FAM193A: variants seen among roughly 807,000 people sequenced by gnomAD.
FAM193A encodes family with sequence similarity 193 member A.
Under a neutral mutation model 126.5 loss-of-function variants are expected in FAM193A, and 22 were observed. That is an observed-to-expected ratio of 0.17 (90% confidence interval 0.12 to 0.25). The LOEUF (loss-of-function observed/expected upper bound fraction) is 0.25, where lower values mean the gene tolerates loss of function less well. Ranked by LOEUF, FAM193A falls within the 10% of genes least tolerant of loss-of-function variation. FAM193A has a pLI of 1.00. For synonymous variants in FAM193A, 761 were observed against 646.8 expected, an observed-to-expected ratio of 1.18 and a Z score of -2.68; for missense variants, 1,675 against 1,672.8, an observed-to-expected ratio of 1.00 and a Z score of -0.02.
intron 1 of FAM193A, among the ~76,000 whole-genome samples, chr4:2,544,284 G>A (rs576556668): frequency 2.7e-4 from 41 of 152,320 alleles, no homozygotes; most frequent in African/African-American, 9.1e-4. Flanking sequence ...ATATAGGTTG[G>A]CACAGTGGCC....
chr4:2,646,010 TA>T (rs1220191814), intron 6 of FAM193A, among the ~76,000 whole-genome samples: 3 of 152,062 alleles, frequency 2.0e-5, no homozygotes, highest in African/African-American at 4.8e-5. Context: ...TTCCCATATT[TA>T]TTTTTTTATC....
At chr4:2,577,422 G>GTTTTGTTTTTTTT (rs1723044132) in intron 1 of FAM193A, among the ~76,000 whole-genome samples, 1 of 115,542 alleles carries the variant, frequency 8.7e-6, no homozygotes, top group Non-Finnish European at 1.7e-5. Context: ...TTTTTTTTTT[G>GTTTTGTTTTTTTT]TTTTTTTTTT....
At chr4:2,724,701 C>A (rs992021395) in intron 20 of FAM193A, among the ~76,000 whole-genome samples, 2 of 152,038 alleles carry the variant, frequency 1.3e-5, no homozygotes, top group African/African-American at 4.8e-5. Context: ...TAGAGTGAGA[C>A]CCTGTCTCAA....
intron 4 of FAM193A, among the ~76,000 whole-genome samples, chr4:2,627,068 G>A (rs917387905): frequency 3.9e-5 from 6 of 152,002 alleles, no homozygotes; most frequent in East Asian, 3.9e-4. Context: ...TCATGATGCC[G>A]CAGCCGTTCT....
intron 17 of FAM193A, among the ~76,000 whole-genome samples, chr4:2,695,517 A>G (rs1040348156): frequency 8.5e-5 from 13 of 152,158 alleles, no homozygotes; most frequent in Non-Finnish European, 1.6e-4. Context: ...ATCTTTCCAG[A>G]GCTGTGATTT....
At chr4:2,681,315 C>G (rs962000201) in intron 13 of FAM193A, among the ~76,000 whole-genome samples, 4 of 150,272 alleles carry the variant, frequency 2.7e-5, no homozygotes, top group African/African-American at 9.8e-5. Context: ...TTTTTTTCCC[C>G]TATTGTTTTT....
At chr4:2,607,328 C>T (rs1459380285) in intron 2 of FAM193A, among the ~76,000 whole-genome samples, 1 of 152,212 alleles carries the variant, frequency 6.6e-6, no homozygotes, top group Non-Finnish European at 1.5e-5. Flanking sequence ...CTGCTGTCTT[C>T]GTCCTTGCAT....
intron 1 of FAM193A, among the ~76,000 whole-genome samples, chr4:2,570,974 C>T (rs141512783): frequency 7.8e-4 from 119 of 152,266 alleles, no homozygotes; most frequent in African/African-American, 2.8e-3. Context: ...ATTCAGGGTT[C>T]ACACACTCAG....
intron 1 of FAM193A, among the ~76,000 whole-genome samples, chr4:2,590,264 G>A (rs1389965880): frequency 1.3e-5 from 2 of 151,354 alleles, no homozygotes; most frequent in African/African-American, 4.8e-5. Context: ...GAGGTCAGGA[G>A]ATCGAGACCA....
chr4:2,634,617 T>G lies in FAM193A; in HGVS notation c.1038+3448T>G, dbSNP rs143001602. On this transcript the variant is annotated intron_variant, in intron 5 of 20. Coordinates refer to ENST00000637812, the MANE Select transcript of FAM193A (RefSeq NM_001366318.2). ...TACTCTAAAGAATGATAATTCAGAT[T>G]TGAAAAAATATCAAAACTAGAAACA... 3.9e-5 allele frequency among the ~76,000 whole-genome samples: 6 copies of G among 152,322 alleles called. No homozygotes were observed. In the East Asian group the frequency reaches 1.2e-3, roughly 29 times the overall value.
chr4:2,689,358 G>C, intron 13 of FAM193A, 148 bp from the exon 14 acceptor site: 1 of 564,062 alleles, frequency 1.8e-6, no homozygotes, highest in Non-Finnish European at 3.0e-6. Context: ...TCCATGTTTT[G>C]TGAGATGTGC....
At chr4:2,650,767 C>T (rs186158137) in intron 7 of FAM193A, among the ~76,000 whole-genome samples, 212 of 152,274 alleles carry the variant, frequency 1.4e-3, no homozygotes, top group African/African-American at 4.9e-3. Context: ...TAGGACCCTG[C>T]CTACCTTTAC....
At chr4:2,641,741 G>T (rs991550460) in intron 6 of FAM193A, among the ~76,000 whole-genome samples, 2 of 152,114 alleles carry the variant, frequency 1.3e-5, no homozygotes, top group African/African-American at 4.8e-5. Context: ...TTATTTGAGG[G>T]GTCCTGACCA....
At chr4:2,730,709 C>A (rs573293069) in intron 20 of FAM193A, among the ~76,000 whole-genome samples, 1 of 148,864 alleles carries the variant, frequency 6.7e-6, no homozygotes, top group South Asian at 2.1e-4. Context: ...AAAAAAGCTT[C>A]TTGGCCAGGG....
Position 2,687,523 on chromosome 4 carries a change from G to A in FAM193A, c.2332-1983G>A, listed in dbSNP as rs112629707. ...CCAAAGGCCAAGACGTGGGACTAGA[G>A]TTCAGATCTAGCTGTCACCTGACCG... is the stretch of plus-strand genomic sequence containing the variant. On this transcript the variant is annotated intron_variant, in intron 13 of 20. Coordinates refer to ENST00000637812, the MANE Select transcript of FAM193A (RefSeq NM_001366318.2). 1.8e-4 allele frequency among the ~76,000 whole-genome samples: 27 copies of A among 152,310 alleles called. 3 individuals carry two copies. The highest frequency in any genetic ancestry group is 6.3e-4 in the African/African-American group (26 of 41,576).
At chr4:2,704,555 A>C (rs1203925454) in intron 19 of FAM193A, among the ~76,000 whole-genome samples, 3 of 151,880 alleles carry the variant, frequency 2.0e-5, no homozygotes, top group Non-Finnish European at 2.9e-5. Context: ...ACAGAGCAAG[A>C]CCCTATCTGA....
At chr4:2,668,242 C>G (rs1280904258) in intron 12 of FAM193A, among the ~76,000 whole-genome samples, 1 of 147,854 alleles carries the variant, frequency 6.8e-6, no homozygotes, top group African/African-American at 2.5e-5. Flanking sequence ...GATACAGAGT[C>G]TCGCTCTGTC....
chr4:2,606,409 G>T (rs1340398920), intron 2 of FAM193A, among the ~76,000 whole-genome samples: 2 of 152,206 alleles, frequency 1.3e-5, no homozygotes, highest in African/African-American at 4.8e-5. Context: ...ATCTGCCTCT[G>T]TGTGGAACCT....
intron 3 of FAM193A, chr4:2,625,629 C>G (rs980658167): frequency 2.9e-6 from 1 of 346,884 alleles, no homozygotes; most frequent in African/African-American, 2.1e-5. Flanking sequence ...TAATCAGAAT[C>G]TAAGAGCAGC....
Sources: gnomAD v4.1 joint callset for allele counts (sites outside exome capture counted in the v4.1 genomes callset) on GRCh38, gnomAD v4.1.1 for gene constraint, MANE v1.5 for transcripts, NCBI Gene and HGNC (gene_info 2026-07-23, HGNC 2026-07-21) for gene names.